DNAH8: variants seen among roughly 807,000 people sequenced by gnomAD.
The protein encoded by DNAH8 is dynein axonemal heavy chain 8.
Under a neutral mutation model 562.1 loss-of-function variants are expected in DNAH8, and 382 were observed. The ratio of observed to expected loss-of-function variants is 0.68; its 90% CI spans 0.63 to 0.74. DNAH8 has a LOEUF of 0.74. Among genes scored for constraint, DNAH8 ranks in the 30% least tolerant of loss-of-function variants. The pLI is 0.00. For synonymous variants in DNAH8, 1,881 were observed against 1,919.4 expected, an observed-to-expected ratio of 0.98 and a Z score of 0.52; for missense variants, 5,203 against 5,620.4, an observed-to-expected ratio of 0.93 and a Z score of 2.37.
At chr6:38,738,895 TTTTGAAAAATC>T (rs1764316531) in intron 7 of DNAH8, among the ~76,000 whole-genome samples, 1 of 152,186 alleles carries the variant, frequency 6.6e-6, no homozygotes, top group Non-Finnish European at 1.5e-5. Context: ...TCCTATTTTT[TTTTGAAAAATC>T]TTTGGTTACA....
At chr6:38,986,677 A>G (rs1764420081) in intron 87 of DNAH8, among the ~76,000 whole-genome samples, 2 of 152,270 alleles carry the variant, frequency 1.3e-5, no homozygotes, top group Non-Finnish European at 2.9e-5. Context: ...TAGCTTCAGA[A>G]TATAATTCAC....
At chr6:38,750,785 C>T (rs1424183947) in intron 9 of DNAH8, among the ~76,000 whole-genome samples, 196 bp downstream of exon 9, 1 of 151,920 alleles carries the variant, frequency 6.6e-6, no homozygotes, top group Non-Finnish European at 1.5e-5. Context: ...AAAAATAGTA[C>T]AATTTAAGAA....
chr6:38,799,036 G>A (rs1770544911), intron 21 of DNAH8, among the ~76,000 whole-genome samples: 1 of 152,136 alleles, frequency 6.6e-6, no homozygotes, highest in African/African-American at 2.4e-5. Flanking sequence ...CTCCTCTTGG[G>A]TTAAACCCAA....
chr6:38,951,358 T>C lies in DNAH8; in HGVS notation c.12289T>C (p.Tyr4097His), dbSNP rs571985896. 6.2e-6 allele frequency: 10 copies of C among 1,614,206 alleles called. No homozygotes were observed. In the South Asian group the frequency reaches 1.1e-4, roughly 18 times the overall value. Residue 4097 changes from tyrosine (Y) to histidine (H), a missense_variant, in exon 82 of 93, where the codon TAT (tyrosine) becomes CAT (histidine). Physicochemically the swap from Tyr to His is moderately conservative, Grantham distance 83. Coordinates refer to ENST00000327475, the MANE Select transcript of DNAH8 (RefSeq NM_001206927.2). ...PDRTVFQARK[Y>H]IADSLEEKYT... ...CCGTACTGTTTTTCAAGCAAGAAAG[T>C]ATATTGCAGATTCTTTGGAGGAGAA...
intron 65 of DNAH8, 109 bp downstream of exon 65, chr6:38,909,853 C>A: frequency 1.1e-6 from 1 of 893,600 alleles, no homozygotes; most frequent in Non-Finnish European, 1.7e-6. Flanking sequence ...TGAGCACGAG[C>A]TGTATTTTTA....
At chr6:38,994,274 C>T (rs1024847433) in intron 88 of DNAH8, among the ~76,000 whole-genome samples, 2 of 152,132 alleles carry the variant, frequency 1.3e-5, no homozygotes, top group South Asian at 4.1e-4. Flanking sequence ...TTAGGGATAA[C>T]AACCCTTTGT....
At chr6:38,877,297 C>T (rs1292428286) in intron 53 of DNAH8, among the ~76,000 whole-genome samples, 1 of 152,170 alleles carries the variant, frequency 6.6e-6, no homozygotes, top group African/African-American at 2.4e-5. Context: ...TCCTCTGTGC[C>T]ATCAAAAATA....
Position 38,836,732 on chromosome 6 carries a change from C to A in DNAH8, c.4366-1210C>A, listed in dbSNP as rs1678735. Among the ~76,000 whole-genome samples, 874 of 151,920 alleles carry A rather than the reference C, an allele frequency of 5.8e-3. 5 individuals are homozygous for A. Among genetic ancestry groups the A allele is most frequent in the African/African-American group, 0.02 (830 of 41,354 alleles). ...GTGCCAAAGGCTGGATGTGTGAAGG[C>A]AGAGGTGCCTTATATTGGGCCTTGG... On this transcript the variant is annotated intron_variant, in intron 32 of 92. Transcript: ENST00000327475.
rs190468526 is a variant in DNAH8 at position 38,807,948 on chromosome 6, C to T, written c.3257+232C>T. Among the ~76,000 whole-genome samples the T allele has an allele frequency of 1.4e-3, 220 of 152,298 alleles. 1 individual carries two copies. Among genetic ancestry groups the T allele is most frequent in the African/African-American group, 5.0e-3 (207 of 41,560 alleles). ...TACCAGTCCCCTCATGGGTCCTCTC[C>T]CTTCTCACCTAAAAGTAACCACTAT... On this transcript the variant is annotated intron_variant, in intron 24 of 92. Coordinates refer to ENST00000327475, the MANE Select transcript of DNAH8 (RefSeq NM_001206927.2).
In DNAH8 at chr6:38,848,710, A is replaced by G. The variant is rs1422607624; in HGVS notation, c.5108A>G (p.Asp1703Gly). 1.9e-6 allele frequency: 3 copies of G among 1,612,368 alleles called. No homozygotes were observed. Among genetic ancestry groups the G allele is most frequent in the Non-Finnish European group, 2.5e-6 (3 of 1,178,520 alleles). ...NWVYKLSTSS[D>G]IIEEWLVVQN... ...GTGTATAAATTGTCCACTTCCTCAG[A>G]TATAATTGAAGAGTGGCTCGTAGTA... is the stretch of plus-strand genomic sequence containing the variant. The change falls in exon 37 of 93, where the codon GAT becomes GGT. Residue 1703 changes from aspartate (D) to glycine (G), a missense_variant. Asp to Gly is a moderately conservative substitution (Grantham distance 94, BLOSUM62 -1). This residue lies in a region of DNAH8 where 2,176 missense variants were observed against 2,365.1 expected (regional missense o/e 0.92). Coordinates refer to ENST00000327475, the MANE Select transcript of DNAH8 (RefSeq NM_001206927.2).
chr6:38,823,425 C>T, intron 27 of DNAH8, 137 bp from the exon 28 acceptor site: 1 of 653,092 alleles, frequency 1.5e-6, no homozygotes, highest in South Asian at 2.0e-5. Context: ...CTGGTGGACA[C>T]CCTATTTCTT....
intron 33 of DNAH8, 119 bp from the exon 34 acceptor site, chr6:38,842,249 C>T (rs1583159856): frequency 1.3e-6 from 1 of 769,374 alleles, no homozygotes; most frequent in South Asian, 2.2e-5. Context: ...CATTTGGTAT[C>T]TATAAGACAT....
chr6:38,806,738 G>A lies in DNAH8; in HGVS notation c.3151-872G>A, dbSNP rs1336179432. ...AGAGCTTGCAGTGAGCCGAGATCGC[G>A]CCACTGCACTCCAGCCTGGGCGACA... On this transcript the variant is annotated intron_variant, in intron 23 of 92. Coordinates refer to ENST00000327475, the MANE Select transcript of DNAH8 (RefSeq NM_001206927.2). Among the ~76,000 whole-genome samples, 11 of 151,808 alleles carry A rather than the reference G, an allele frequency of 7.2e-5. No homozygotes were observed. In the East Asian group the frequency reaches 9.7e-4, roughly 13 times the overall value.
rs1200179996 is a variant in DNAH8 at position 38,890,729 on chromosome 6, T to C, written c.8551T>C (p.Ser2851Pro). The stretch of plus-strand genomic sequence containing the variant: ...ATGTGAGATGATTGTGAATTTAGTC[T>C]CAGTGGGTAGAGTGCTGTGGCAATG... ...QICEMIVNLVSVGRVLWQWTK... is the reference protein window; with the variant it reads ...QICEMIVNLVPVGRVLWQWTK... The change falls in exon 58 of 93, where the codon TCA becomes CCA. Residue 2851 changes from serine (S) to proline (P), a missense_variant. By Grantham distance (74) the Ser-to-Pro change is moderately conservative. Coordinates refer to ENST00000327475, the MANE Select transcript of DNAH8 (RefSeq NM_001206927.2). 6.2e-7 allele frequency: 1 copy of C among 1,613,850 alleles called. No individual in the cohort carries two copies. Among genetic ancestry groups the C allele is most frequent in the Non-Finnish European group, 8.5e-7 (1 of 1,179,726 alleles).
At position 38,743,007 on chromosome 6, in the gene DNAH8, C is replaced by CTTTTTTTTTTTT. The variant is rs11340457; in HGVS notation, c.1293+1136_1293+1147dup. 3.3e-4 allele frequency among the ~76,000 whole-genome samples: 17 copies of CTTTTTTTTTTTT among 52,004 alleles called. 1 individual carries two copies. Among genetic ancestry groups the CTTTTTTTTTTTT allele is most frequent in the African/African-American group, 1.3e-3 (12 of 9,000 alleles). The allele number at this position is 52,004 out of a possible 152,430, so 34.1% of individuals were successfully genotyped here. On this transcript the variant is annotated intron_variant, in intron 8 of 92. Coordinates refer to ENST00000327475, the MANE Select transcript of DNAH8 (RefSeq NM_001206927.2). Reference sequence around the variant, plus strand: ...TTTCCAAAAAAATGTTGTTGTTGTGCTTTTTTTTTTTTTTTTTTTTTTTTT... The same window carrying CTTTTTTTTTTTT: ...TTTCCAAAAAAATGTTGTTGTTGTGCTTTTTTTTTTTTTTTTTTTTTTTTTTTTTTTTTTTTT...
chr6:38,880,857 G>A (rs1157141140), intron 53 of DNAH8, among the ~76,000 whole-genome samples: 4 of 152,006 alleles, frequency 2.6e-5, no homozygotes, highest in Admixed American at 6.6e-5. Flanking sequence ...GTGAAACCCC[G>A]TCTCTACTAA....
chr6:39,012,895 A>G (rs367832431), intron 91 of DNAH8, among the ~76,000 whole-genome samples: 67 of 151,966 alleles, frequency 4.4e-4, no homozygotes, highest in African/African-American at 1.5e-3. Context: ...TCAGCAAACC[A>G]TCAGTCTGGG....
At chr6:38,850,519 G>T in intron 38 of DNAH8, 105 bp downstream of exon 38, 1 of 1,028,836 alleles carries the variant, frequency 9.7e-7, no homozygotes, top group South Asian at 1.8e-5. Flanking sequence ...GATGGTTAAA[G>T]TGGGGCTAGG....
intron 58 of DNAH8, 75 bp downstream of exon 58, chr6:38,890,836 A>G (rs562228387): frequency 1.0e-6 from 1 of 997,128 alleles, no homozygotes; most frequent in Non-Finnish European, 1.6e-6. Flanking sequence ...GTGGCTCATT[A>G]AGTTATCATA....
Sources: allele counts gnomAD v4.1 joint callset (sites outside exome capture counted in the v4.1 genomes callset), GRCh38; gene constraint gnomAD v4.1.1; regional missense constraint gnomAD v4.1.1; transcripts MANE v1.5; gene names NCBI Gene and HGNC (gene_info 2026-07-23, HGNC 2026-07-21).